The following ADAMTS17 variants were observed in gnomAD, a reference collection of about 807,000 sequenced individuals.
The protein encoded by ADAMTS17 is A disintegrin and metalloproteinase with thrombospondin motifs 17.
Under a neutral mutation model 141.5 loss-of-function variants are expected in ADAMTS17, and 113 were observed. The observed-to-expected ratio is 0.80, with a 90% CI of 0.69 to 0.93. The LOEUF is 0.93. Ranked by LOEUF, ADAMTS17 falls within the 40% of genes least tolerant of loss-of-function variation. The pLI is 0.00. For missense variants in ADAMTS17, 1,659 were observed against 1,517.9 expected, an observed-to-expected ratio of 1.09 and a Z score of -1.54; for synonymous variants, 768 against 630.6, an observed-to-expected ratio of 1.22 and a Z score of -3.27.
chr15:100,331,137 C>T, intron 2 of ADAMTS17, 83 bp from the exon 3 acceptor site: 1 of 1,554,414 alleles, frequency 6.4e-7, no homozygotes, highest in Non-Finnish European at 8.8e-7. Context: ...CAGGCAAGAC[C>T]ACCTTGCTGT....
chr15:100,258,485 T>A (rs921111958), intron 6 of ADAMTS17, among the ~76,000 whole-genome samples: 6 of 152,190 alleles, frequency 3.9e-5, no homozygotes, highest in African/African-American at 1.4e-4. Flanking sequence ...CACTTATAGT[T>A]CCACATGGCT....
At chr15:100,183,535 G>A (rs1367922683) in intron 8 of ADAMTS17, among the ~76,000 whole-genome samples, 1 of 149,096 alleles carries the variant, frequency 6.7e-6, no homozygotes, top group Non-Finnish European at 1.5e-5. Context: ...ATGAAATTTT[G>A]TTTTTGTTTC....
chr15:100,187,954 T>G (rs761353575), intron 8 of ADAMTS17, among the ~76,000 whole-genome samples: 1 of 152,168 alleles, frequency 6.6e-6, no homozygotes, highest in Non-Finnish European at 1.5e-5. Flanking sequence ...CGGGATGGTG[T>G]GCGACTGTAG....
intron 2 of ADAMTS17, among the ~76,000 whole-genome samples, chr15:100,336,880 C>T (rs1360443558): frequency 1.3e-5 from 2 of 152,180 alleles, no homozygotes; most frequent in African/African-American, 4.8e-5. Flanking sequence ...ACACTTCTAA[C>T]CTAAGCTGCC....
intron 16 of ADAMTS17, 44 bp downstream of exon 16, chr15:100,053,853 G>A (rs567491935): frequency 4.8e-5 from 77 of 1,613,982 alleles, no homozygotes; most frequent in East Asian, 1.3e-4. Flanking sequence ...TAGACCTCTC[G>A]GAGCCACACC....
rs536435569 is a variant in ADAMTS17 at position 100,297,122 on chromosome 15, T to C, written c.617-15721A>G. On this transcript the variant is annotated intron_variant, in intron 3 of 21. Transcript: ENST00000268070. Reference sequence around the variant, plus strand: ...ATAAGTAGGAGTTAACAGATAGGGGTGGGGGAGAGGAGCTAGGAGGAGTCC... The same window carrying C: ...ATAAGTAGGAGTTAACAGATAGGGGCGGGGGAGAGGAGCTAGGAGGAGTCC... Among the ~76,000 whole-genome samples the C allele has an allele frequency of 2.0e-5, 3 of 150,186 alleles. No homozygotes were observed. In the South Asian group the frequency reaches 6.4e-4, roughly 32 times the overall value.
chr15:100,109,027 G>GC lies in ADAMTS17; in HGVS notation c.1977dup (p.Pro660AlafsTer5). On this transcript the variant is annotated frameshift_variant, in exon 14 of 22. Coordinates refer to ENST00000268070, the MANE Select transcript of ADAMTS17 (RefSeq NM_139057.4). LOFTEE classifies it high-confidence loss of function. The stretch of plus-strand genomic sequence containing the variant: ...TGCACGCAGAGATCAGTCTCGTAGG[G>GC]CCCGCAGGGTGTACCGTCCAGGACC... 6.2e-7 allele frequency: 1 copy of GC among 1,614,080 alleles called. No individual in the cohort carries two copies. Among genetic ancestry groups the GC allele is most frequent in the Non-Finnish European group, 8.5e-7 (1 of 1,180,024 alleles).
chr15:100,064,974 G>C (rs918123809), intron 15 of ADAMTS17, among the ~76,000 whole-genome samples: 2 of 152,204 alleles, frequency 1.3e-5, no homozygotes, highest in African/African-American at 4.8e-5. Flanking sequence ...CCAGAATCAT[G>C]AGCGGAGCTG....
chr15:100,183,436 C>T (rs1156897372), intron 8 of ADAMTS17, among the ~76,000 whole-genome samples: 2 of 152,188 alleles, frequency 1.3e-5, no homozygotes, highest in Non-Finnish European at 1.5e-5. Context: ...TATCTAAATT[C>T]CATCCAATGA....
rs371731148 is a variant in ADAMTS17, at chr15:100,152,779, G to A, written c.1323-17C>T. The A allele has an allele frequency of 9.3e-6, 15 of 1,613,962 alleles. No individual in the cohort carries two copies. The highest frequency in any genetic ancestry group is 4.4e-5 in the South Asian group (4 of 91,080). On this transcript the variant is annotated splice_polypyrimidine_tract_variant and intron_variant, in intron 9 of 21. Transcript: ENST00000268070. Reference sequence around the variant, plus strand: ...ACTTTTGACCTGAAACAGCCGAGAGGCAAGTTGACTTGCAAATGTACTGCC... The same window carrying A: ...ACTTTTGACCTGAAACAGCCGAGAGACAAGTTGACTTGCAAATGTACTGCC...
At chr15:100,244,843 C>A (rs1364982170) in intron 7 of ADAMTS17, among the ~76,000 whole-genome samples, 1 of 152,184 alleles carries the variant, frequency 6.6e-6, no homozygotes, top group East Asian at 1.9e-4. Flanking sequence ...AGGCAGCACA[C>A]AGGGTCTAAG....
intron 15 of ADAMTS17, among the ~76,000 whole-genome samples, chr15:100,062,084 T>G (rs1393327503): frequency 6.6e-6 from 1 of 151,866 alleles, no homozygotes; most frequent in African/African-American, 2.4e-5. Context: ...TGTTTTAGAA[T>G]GCATTTTTAA....
chr15:100,270,406 T>G (rs1596405575), intron 4 of ADAMTS17, among the ~76,000 whole-genome samples: 1 of 152,196 alleles, frequency 6.6e-6, no homozygotes, highest in African/African-American at 2.4e-5. Context: ...TATTATTATA[T>G]TTATGCATAA....
intron 3 of ADAMTS17, among the ~76,000 whole-genome samples, chr15:100,307,754 C>A (rs909722545): frequency 6.6e-6 from 1 of 152,152 alleles, no homozygotes; most frequent in South Asian, 2.1e-4. Flanking sequence ...GTGTGGCTGG[C>A]GTCCTCCACA....
chr15:100,134,666 T>C (rs1013247926), intron 10 of ADAMTS17, among the ~76,000 whole-genome samples: 1 of 152,074 alleles, frequency 6.6e-6, no homozygotes, highest in African/African-American at 2.4e-5. Context: ...AATCAAACAG[T>C]TTTTAGAAGT....
At chr15:99,983,792 G>A (rs1239220501) in intron 20 of ADAMTS17, among the ~76,000 whole-genome samples, 1 of 152,128 alleles carries the variant, frequency 6.6e-6, no homozygotes. Context: ...GTCTCTGAGG[G>A]GCCAGCCTGC....
chr15:100,100,586 A>C (rs1326498055), intron 14 of ADAMTS17, among the ~76,000 whole-genome samples: 1 of 151,582 alleles, frequency 6.6e-6, no homozygotes, highest in East Asian at 1.9e-4. Flanking sequence ...TGACTCTTCT[A>C]TTTTGGGATG....
At chr15:100,012,859 C>T (rs1036897728) in intron 18 of ADAMTS17, among the ~76,000 whole-genome samples, 2 of 152,160 alleles carry the variant, frequency 1.3e-5, no homozygotes, top group African/African-American at 4.8e-5. Flanking sequence ...CTTGCTTTGG[C>T]TATGCAGGCT....
At chr15:100,030,727 G>A (rs1201723484) in intron 18 of ADAMTS17, among the ~76,000 whole-genome samples, 3 of 152,148 alleles carry the variant, frequency 2.0e-5, no homozygotes, top group Non-Finnish European at 2.9e-5. Flanking sequence ...TCTGAAATAC[G>A]TATAAATTAT....
Sources: gnomAD v4.1 joint callset for allele counts (sites outside exome capture counted in the v4.1 genomes callset) on GRCh38, gnomAD v4.1.1 for gene constraint, MANE v1.5 for transcripts, NCBI Gene and HGNC (gene_info 2026-07-23, HGNC 2026-07-21) for gene names.